NXPH1: variants seen among roughly 807,000 people sequenced by gnomAD.
NXPH1 encodes the protein neurexophilin 1, also known as neurexophilin-1.
A neutral mutation model predicts 23.7 loss-of-function variants in NXPH1; 5 were observed. The ratio of observed to expected loss-of-function variants is 0.21; its 90% CI spans 0.11 to 0.44. NXPH1 has a LOEUF of 0.44. Among genes scored for constraint, NXPH1 ranks in the 20% least tolerant of loss-of-function variants. The pLI, the probability that NXPH1 is intolerant of heterozygous loss-of-function variation, is 0.99. For missense variants in NXPH1, 324 were observed against 321.6 expected, an observed-to-expected ratio of 1.01 and a Z score of -0.06; for synonymous variants, 144 against 122.2, an observed-to-expected ratio of 1.18 and a Z score of -1.18.
At chr7:8,742,202 T>A (rs944335376) in intron 2 of NXPH1, among the ~76,000 whole-genome samples, 2 of 152,124 alleles carry the variant, frequency 1.3e-5, no homozygotes, top group Non-Finnish European at 2.9e-5. Flanking sequence ...CACTTTTGGG[T>A]ATGGATGACT....
chr7:8,523,344 G>C (rs10237678), intron 2 of NXPH1, among the ~76,000 whole-genome samples: 47,249 of 152,004 alleles, frequency 0.31, 7,591 homozygotes, highest in East Asian at 0.38. Flanking sequence ...TGAAGCTGGG[G>C]TCCCCCCAAC....
chr7:8,676,168 A>C (rs888950046), intron 2 of NXPH1, among the ~76,000 whole-genome samples: 3 of 152,236 alleles, frequency 2.0e-5, no homozygotes, highest in African/African-American at 4.8e-5. Flanking sequence ...CTTGAAAACA[A>C]GTATTATAAA....
At chr7:8,454,622 C>T (rs1358459083) in intron 2 of NXPH1, among the ~76,000 whole-genome samples, 1 of 152,154 alleles carries the variant, frequency 6.6e-6, no homozygotes, top group East Asian at 1.9e-4. Context: ...CCGTATCTTT[C>T]CTCCTCTATG....
Position 8,655,440 on chromosome 7 carries a change from CTCTCTCTCT to C in NXPH1, c.55-95567_55-95559del, listed in dbSNP as rs1293356349. 4.7e-3 allele frequency among the ~76,000 whole-genome samples: 330 copies of C among 69,504 alleles called. 6 individuals carry two copies. Among genetic ancestry groups the C allele is most frequent in the African/African-American group, 0.012 (259 of 20,916 alleles). 45.6% of individuals were successfully genotyped at this position (69,504 alleles called of 152,430 possible). A position where few individuals can be genotyped will look rare whatever the true frequency, so the allele number is the denominator to read the frequency against. ...TCTCTCTCTCTCTCTCTCTCTCTCT[CTCTCTCTCT>C]ATACACACACACACACACACACACA... On this transcript the variant is annotated intron_variant, in intron 2 of 2. Coordinates refer to ENST00000405863, the MANE Select transcript of NXPH1 (RefSeq NM_152745.3).
At chr7:8,468,430 A>G (rs1816819507) in intron 2 of NXPH1, among the ~76,000 whole-genome samples, 1 of 152,156 alleles carries the variant, frequency 6.6e-6, no homozygotes, top group African/African-American at 2.4e-5. Flanking sequence ...TATGCTTGCA[A>G]CAATCTGCAT....
chr7:8,742,763 A>G (rs1780389289), intron 2 of NXPH1, among the ~76,000 whole-genome samples: 2 of 152,138 alleles, frequency 1.3e-5, no homozygotes, highest in South Asian at 2.1e-4. Context: ...TTAATTTCCT[A>G]TAATGTTTAA....
chr7:8,588,072 G>T (rs1229414141), intron 2 of NXPH1, among the ~76,000 whole-genome samples: 1 of 152,192 alleles, frequency 6.6e-6, no homozygotes, highest in Non-Finnish European at 1.5e-5. Context: ...TAGTTAGAAT[G>T]GCAATCATTA....
intron 2 of NXPH1, among the ~76,000 whole-genome samples, chr7:8,666,478 A>T (rs192139180): frequency 5.9e-5 from 9 of 152,122 alleles, no homozygotes; most frequent in South Asian, 2.1e-4. Context: ...CCCCAGGGAT[A>T]TTGACCTGTA....
chr7:8,467,198 G>C (rs1188566974), intron 2 of NXPH1, among the ~76,000 whole-genome samples: 10 of 152,094 alleles, frequency 6.6e-5, no homozygotes, highest in Non-Finnish European at 1.3e-4. Flanking sequence ...GGATTTTTCT[G>C]ATAATGATAC....
At chr7:8,555,657 C>A (rs1818345625) in intron 2 of NXPH1, among the ~76,000 whole-genome samples, 1 of 151,690 alleles carries the variant, frequency 6.6e-6, no homozygotes, top group Non-Finnish European at 1.5e-5. Flanking sequence ...TCCCCAACCT[C>A]ATTTCTTTGT....
chr7:8,678,370 T>C (rs1404357360), intron 2 of NXPH1, among the ~76,000 whole-genome samples: 1 of 152,214 alleles, frequency 6.6e-6, no homozygotes, highest in Admixed American at 6.5e-5. Context: ...TTTACTCCTC[T>C]TAGAACTACT....
intron 2 of NXPH1, among the ~76,000 whole-genome samples, chr7:8,509,944 G>A (rs552445375): frequency 2.6e-4 from 40 of 152,156 alleles, no homozygotes; most frequent in African/African-American, 9.4e-4. Context: ...AACTTCATCA[G>A]GAAAAAGTGA....
intron 2 of NXPH1, among the ~76,000 whole-genome samples, chr7:8,636,815 T>G (rs976682087): frequency 6.6e-6 from 1 of 152,236 alleles, no homozygotes; most frequent in African/African-American, 2.4e-5. Context: ...ATTCTGTTAA[T>G]TTGGGATTCT....
At chr7:8,575,691 T>C (rs1228974948) in intron 2 of NXPH1, among the ~76,000 whole-genome samples, 2 of 152,118 alleles carry the variant, frequency 1.3e-5, no homozygotes, top group African/African-American at 4.8e-5. Context: ...ATGTTTCCTG[T>C]TTTTCTGTGA....
At chr7:8,672,577 C>T (rs1334218382) in intron 2 of NXPH1, among the ~76,000 whole-genome samples, 5 of 151,580 alleles carry the variant, frequency 3.3e-5, no homozygotes, top group Admixed American at 3.3e-4. Flanking sequence ...ACAGTCTTGT[C>T]TAATTGTTTT....
intron 2 of NXPH1, among the ~76,000 whole-genome samples, chr7:8,612,388 TCAAA>T (rs74983902): frequency 0.022 from 3,363 of 152,002 alleles, 203 homozygotes; most frequent in East Asian, 0.17. Context: ...TTTTCTTCTC[TCAAA>T]CATAGTTTTG....
intron 2 of NXPH1, among the ~76,000 whole-genome samples, chr7:8,506,706 T>G (rs2128613309): frequency 6.6e-6 from 1 of 152,148 alleles, no homozygotes; most frequent in African/African-American, 2.4e-5. Flanking sequence ...AGATAAGAGC[T>G]AACAGATTAA....
intron 2 of NXPH1, among the ~76,000 whole-genome samples, chr7:8,565,185 T>C (rs1818518891): frequency 6.6e-6 from 1 of 151,790 alleles, no homozygotes; most frequent in Admixed American, 6.6e-5. Context: ...AGAGTGATGA[T>C]GGATAGATTC....
chr7:8,589,952 T>C (rs1029753223), intron 2 of NXPH1, among the ~76,000 whole-genome samples: 3 of 152,098 alleles, frequency 2.0e-5, no homozygotes, highest in African/African-American at 7.2e-5. Context: ...ACATTTCAAG[T>C]GCCCAATAAC....
Sources: gnomAD v4.1 joint callset for allele counts (sites outside exome capture counted in the v4.1 genomes callset) on GRCh38, gnomAD v4.1.1 for gene constraint, MANE v1.5 for transcripts, NCBI Gene and HGNC (gene_info 2026-07-23, HGNC 2026-07-21) for gene names.